The following MACROD2 variants were observed in gnomAD, a reference collection of about 807,000 sequenced individuals.
The protein encoded by MACROD2 is ADP-ribose glycohydrolase MACROD2.
A neutral mutation model predicts 70.4 loss-of-function variants in MACROD2; 36 were observed. That is an observed-to-expected ratio of 0.51 (90% CI 0.39 to 0.68). The LOEUF (loss-of-function observed/expected upper bound fraction) is 0.68. Ranked by LOEUF, MACROD2 falls within the 30% of genes least tolerant of loss-of-function variation. The pLI is 0.00. For missense variants in MACROD2, 496 were observed against 538.4 expected, an observed-to-expected ratio of 0.92 and a Z score of 0.78; for synonymous variants, 172 against 178.8, an observed-to-expected ratio of 0.96 and a Z score of 0.30.
At chr20:14,272,813 A>C (rs1434505849) in intron 3 of MACROD2, among the ~76,000 whole-genome samples, 1 of 152,220 alleles carries the variant, frequency 6.6e-6, no homozygotes, top group Non-Finnish European at 1.5e-5. Flanking sequence ...TACCAAGCAA[A>C]TGTAAAACAA....
intron 5 of MACROD2, among the ~76,000 whole-genome samples, chr20:15,182,017 C>G (rs1014183539): frequency 1.3e-5 from 2 of 151,604 alleles, no homozygotes; most frequent in African/African-American, 2.4e-5. Flanking sequence ...CAGATCATAC[C>G]CCTAGAGTAC....
chr20:14,798,122 A>G (rs1487281022), intron 5 of MACROD2, among the ~76,000 whole-genome samples: 1 of 152,048 alleles, frequency 6.6e-6, no homozygotes, highest in Non-Finnish European at 1.5e-5. Context: ...ATTTTCAGAT[A>G]TGTTCTACAG....
chr20:14,150,321 T>C (rs2055001175), intron 3 of MACROD2, among the ~76,000 whole-genome samples: 1 of 152,200 alleles, frequency 6.6e-6, no homozygotes, highest in Non-Finnish European at 1.5e-5. Context: ...GTGGATATTG[T>C]CATGTAACTT....
intron 5 of MACROD2, among the ~76,000 whole-genome samples, chr20:14,898,375 A>G (rs527883647): frequency 2.0e-5 from 3 of 152,232 alleles, no homozygotes. Flanking sequence ...TGGTTACCAT[A>G]TATGTTTCTC....
At chr20:14,172,693 C>T (rs1014956138) in intron 3 of MACROD2, among the ~76,000 whole-genome samples, 7 of 152,170 alleles carry the variant, frequency 4.6e-5, no homozygotes, top group Non-Finnish European at 7.4e-5. Context: ...ATATATTATG[C>T]GATTTTTTGC....
chr20:15,436,323 T>C (rs1043790865), intron 7 of MACROD2, among the ~76,000 whole-genome samples: 4 of 152,118 alleles, frequency 2.6e-5, no homozygotes, highest in Admixed American at 2.6e-4. Context: ...AGTCACGTCT[T>C]ACATGGATGG....
At chr20:14,746,093 T>A (rs2123727939) in intron 5 of MACROD2, among the ~76,000 whole-genome samples, 1 of 152,202 alleles carries the variant, frequency 6.6e-6, no homozygotes, top group Admixed American at 6.5e-5. Flanking sequence ...TTTATTTCCA[T>A]GGAAAACAAC....
chr20:14,359,875 T>G (rs909538645), intron 3 of MACROD2, among the ~76,000 whole-genome samples: 1 of 151,186 alleles, frequency 6.6e-6, no homozygotes, highest in African/African-American at 2.4e-5. Flanking sequence ...CAAAGAAGGG[T>G]AAAGAAAATG....
intron 17 of MACROD2, among the ~76,000 whole-genome samples, chr20:16,049,132 A>C (rs1196641592): frequency 6.6e-6 from 1 of 152,042 alleles, no homozygotes; most frequent in Admixed American, 6.5e-5. Flanking sequence ...TAGAAATCAG[A>C]TCATTTGTTC....
At chr20:14,801,426 T>C (rs183420064) in intron 5 of MACROD2, among the ~76,000 whole-genome samples, 1 of 152,282 alleles carries the variant, frequency 6.6e-6, no homozygotes, top group African/African-American at 2.4e-5. Context: ...CTTTGTATAT[T>C]CATACACCTG....
chr20:15,942,512 T>C (rs1440221083), intron 12 of MACROD2, among the ~76,000 whole-genome samples: 2 of 152,208 alleles, frequency 1.3e-5, no homozygotes, highest in African/African-American at 4.8e-5. Flanking sequence ...CTTCTTTCTC[T>C]ACTGGTTAAA....
chr20:15,351,091 G>T (rs948154469), intron 6 of MACROD2, among the ~76,000 whole-genome samples: 9 of 133,128 alleles, frequency 6.8e-5, no homozygotes, highest in Non-Finnish European at 1.4e-4. Context: ...AGCAAGGACT[G>T]GTTTTCTACT....
intron 3 of MACROD2, among the ~76,000 whole-genome samples, chr20:14,281,095 A>G (rs956124192): frequency 1.3e-5 from 2 of 152,222 alleles, no homozygotes; most frequent in African/African-American, 4.8e-5. Flanking sequence ...ACCCAAGAAA[A>G]TCACAAAGAT....
intron 3 of MACROD2, among the ~76,000 whole-genome samples, chr20:14,093,685 A>C (rs1030482537): frequency 6.6e-5 from 10 of 151,952 alleles, no homozygotes; most frequent in South Asian, 4.1e-4. Flanking sequence ...AAAAAACCCC[A>C]AAAATAAACA....
intron 5 of MACROD2, among the ~76,000 whole-genome samples, chr20:15,180,115 C>A (rs1463453022): frequency 6.6e-6 from 1 of 152,112 alleles, no homozygotes; most frequent in Non-Finnish European, 1.5e-5. Flanking sequence ...GGTTCATCCA[C>A]CCTAATAGCC....
intron 8 of MACROD2, among the ~76,000 whole-genome samples, chr20:15,692,112 A>G (rs1398001863): frequency 2.0e-5 from 3 of 152,106 alleles, no homozygotes; most frequent in Non-Finnish European, 4.4e-5. Flanking sequence ...GCTTTTGCTC[A>G]TTGTACGTTA....
chr20:15,413,631 A>T (rs540317918), intron 6 of MACROD2, among the ~76,000 whole-genome samples: 7 of 152,258 alleles, frequency 4.6e-5, no homozygotes, highest in African/African-American at 1.2e-4. Flanking sequence ...GTGGGATTTT[A>T]AAAAAATTGT....
At chr20:15,857,600 C>CT (rs2064371576) in intron 8 of MACROD2, among the ~76,000 whole-genome samples, 1 of 152,178 alleles carries the variant, frequency 6.6e-6, no homozygotes, top group African/African-American at 2.4e-5. Context: ...GCCCTGCACC[C>CT]ACCTTCCTGG....
At chr20:14,054,271 A>G (rs530791130) in intron 2 of MACROD2, among the ~76,000 whole-genome samples, 4 of 151,860 alleles carry the variant, frequency 2.6e-5, no homozygotes, top group East Asian at 3.9e-4. Flanking sequence ...GTGTATGACA[A>G]TTTAGCAAGA....
Sources: gnomAD v4.1 joint callset for allele counts (sites outside exome capture counted in the v4.1 genomes callset) on GRCh38, gnomAD v4.1.1 for gene constraint, MANE v1.5 for transcripts, NCBI Gene and HGNC (gene_info 2026-07-23, HGNC 2026-07-21) for gene names.